The following FYN variants were observed in gnomAD, a reference collection of about 807,000 sequenced individuals.
FYN encodes FYN proto-oncogene, Src family tyrosine kinase, also known as tyrosine-protein kinase Fyn.
FYN carries 10 observed loss-of-function variants against 70.2 expected under a neutral mutation model. That is an observed-to-expected ratio of 0.14 (90% CI 0.09 to 0.24). FYN has a LOEUF of 0.24. Among genes scored for constraint, FYN ranks in the 10% least tolerant of loss-of-function variants. FYN has a pLI of 1.00. For synonymous variants in FYN, 236 were observed against 248.6 expected, an observed-to-expected ratio of 0.95 and a Z score of 0.48; for missense variants, 319 against 673.1, an observed-to-expected ratio of 0.47 and a Z score of 5.82.
At chr6:111,711,563 G>A (rs944722976) in intron 5 of FYN, among the ~76,000 whole-genome samples, 1 of 152,142 alleles carries the variant, frequency 6.6e-6, no homozygotes, top group African/African-American at 2.4e-5. Flanking sequence ...CACATCCCAC[G>A]GTGTATGTTG....
At chr6:111,749,742 T>C (rs1802401521) in intron 3 of FYN, among the ~76,000 whole-genome samples, 1 of 152,222 alleles carries the variant, frequency 6.6e-6, no homozygotes, top group Non-Finnish European at 1.5e-5. Context: ...ATAACACAAT[T>C]ATAATAGGGT....
chr6:111,762,722 G>T (rs1803057549), intron 3 of FYN, among the ~76,000 whole-genome samples: 1 of 151,978 alleles, frequency 6.6e-6, no homozygotes, highest in East Asian at 1.9e-4. Flanking sequence ...CCAACCTTTT[G>T]TCTTCCCTGG....
Position 111,770,580 on chromosome 6 carries a change from C to T in FYN, c.-12+9986G>A, listed in dbSNP as rs1032105929. Among the ~76,000 whole-genome samples, 3 of 152,156 alleles carry T rather than the reference C, an allele frequency of 2.0e-5. No individual in the cohort carries two copies. The South Asian group carries it at 6.2e-4, about 32-fold the overall frequency. On this transcript the variant is annotated intron_variant, in intron 3 of 13. Coordinates refer to ENST00000354650, the MANE Select transcript of FYN (RefSeq NM_002037.5). ...CACAAGAGACCCAAGCTAATCAGGT[C>T]TGTCCTAGTTTATTTTGTGTTCTTA...
At chr6:111,690,168 G>T in intron 12 of FYN, among the ~76,000 whole-genome samples, 1 of 151,764 alleles carries the variant, frequency 6.6e-6, no homozygotes, top group East Asian at 1.9e-4. Flanking sequence ...TATGTCGGGG[G>T]TCACAGGAGA....
At chr6:111,770,584 C>T (rs1803406140) in intron 3 of FYN, among the ~76,000 whole-genome samples, 2 of 152,096 alleles carry the variant, frequency 1.3e-5, no homozygotes, top group South Asian at 4.2e-4. Context: ...TCAGGTCTGT[C>T]CTAGTTTATT....
intron 3 of FYN, among the ~76,000 whole-genome samples, chr6:111,726,803 G>A (rs977143562): frequency 6.6e-6 from 1 of 152,142 alleles, no homozygotes; most frequent in Admixed American, 6.5e-5. Context: ...GGAGGTAATC[G>A]AATTATGGGG....
chr6:111,702,027 C>A (rs1191228228), intron 8 of FYN, among the ~76,000 whole-genome samples: 1 of 152,082 alleles, frequency 6.6e-6, no homozygotes, highest in South Asian at 2.1e-4. Context: ...TTGAGTCTTG[C>A]CTTTGTCCTG....
At chr6:111,702,634 A>G in intron 8 of FYN, 1 of 360,694 alleles carries the variant, frequency 2.8e-6, no homozygotes, top group Non-Finnish European at 4.9e-6. Context: ...AATTTAACCT[A>G]TTGCTTTCTA....
intron 3 of FYN, among the ~76,000 whole-genome samples, chr6:111,778,151 G>A (rs1023657970): frequency 1.3e-5 from 2 of 152,204 alleles, no homozygotes; most frequent in African/African-American, 4.8e-5. Context: ...GTGTGGGGAA[G>A]TAGAGGCCTC....
chr6:111,675,400 C>A (rs1428723346), intron 12 of FYN, among the ~76,000 whole-genome samples: 1 of 151,668 alleles, frequency 6.6e-6, no homozygotes, highest in African/African-American at 2.4e-5. Flanking sequence ...TCCTTTTTTT[C>A]AAAAATTTAT....
intron 2 of FYN, among the ~76,000 whole-genome samples, chr6:111,781,668 G>C (rs997044995): frequency 5.9e-5 from 9 of 152,136 alleles, no homozygotes; most frequent in Non-Finnish European, 1.3e-4. Flanking sequence ...TAGGAGGCCT[G>C]GCCATTGTCA....
chr6:111,866,551 A>G (rs774413945), intron 1 of FYN, among the ~76,000 whole-genome samples: 8 of 152,182 alleles, frequency 5.3e-5, no homozygotes, highest in Non-Finnish European at 7.3e-5. Flanking sequence ...CGTGTTGGCC[A>G]GGCTGGTCTT....
intron 2 of FYN, among the ~76,000 whole-genome samples, chr6:111,784,126 G>A (rs1349568574): frequency 1.3e-5 from 2 of 152,196 alleles, no homozygotes. Context: ...GCGCCACCTA[G>A]AACTTCCACA....
intron 2 of FYN, among the ~76,000 whole-genome samples, chr6:111,825,888 T>A (rs1372388323): frequency 3.3e-5 from 5 of 152,222 alleles, no homozygotes; most frequent in African/African-American, 1.2e-4. Context: ...AGTCAAGATG[T>A]GCTATTCTGA....
At chr6:111,740,608 T>C (rs540885968) in intron 3 of FYN, among the ~76,000 whole-genome samples, 1 of 152,344 alleles carries the variant, frequency 6.6e-6, no homozygotes, top group South Asian at 2.1e-4. Context: ...GGAATGAATT[T>C]AAATGATATG....
intron 2 of FYN, among the ~76,000 whole-genome samples, chr6:111,824,141 C>T (rs1772760695): frequency 1.3e-5 from 2 of 152,294 alleles, no homozygotes; most frequent in Non-Finnish European, 2.9e-5. Flanking sequence ...AAAAAATCCC[C>T]ACTGCAAACT....
chr6:111,846,195 C>T (rs1260577758), intron 2 of FYN, among the ~76,000 whole-genome samples: 1 of 152,140 alleles, frequency 6.6e-6, no homozygotes, highest in East Asian at 1.9e-4. Flanking sequence ...GGAAAAACAA[C>T]AATGAATGGA....
At chr6:111,855,442 T>A (rs2114504136) in intron 1 of FYN, among the ~76,000 whole-genome samples, 1 of 152,346 alleles carries the variant, frequency 6.6e-6, no homozygotes, top group African/African-American at 2.4e-5. Flanking sequence ...GCATAATTCA[T>A]AACTGCATTC....
chr6:111,729,860 C>T (rs1382683978), intron 3 of FYN, among the ~76,000 whole-genome samples: 3 of 152,102 alleles, frequency 2.0e-5, no homozygotes, highest in East Asian at 3.9e-4. Flanking sequence ...TTTCTTTGCT[C>T]TCTGTGTCTT....
Sources: allele counts gnomAD v4.1 joint callset (sites outside exome capture counted in the v4.1 genomes callset), GRCh38; gene constraint gnomAD v4.1.1; transcripts MANE v1.5; gene names NCBI Gene and HGNC (gene_info 2026-07-23, HGNC 2026-07-21).